RPH3A: variants seen among roughly 807,000 people sequenced by gnomAD.
The protein encoded by RPH3A is rabphilin-3A.
RPH3A carries 48 observed loss-of-function variants against 102.2 expected under a neutral mutation model. That is an observed-to-expected ratio of 0.47 (90% CI 0.37 to 0.60). The LOEUF (loss-of-function observed/expected upper bound fraction) is 0.60. Ranked by LOEUF, RPH3A falls within the 20% of genes least tolerant of loss-of-function variation. RPH3A has a pLI of 0.00. For missense variants in RPH3A, 781 were observed against 910.1 expected (o/e 0.86, Z 1.83); for synonymous variants, 310 against 324.3 (o/e 0.96, Z 0.47).
chr12:112,577,066 C>T (rs568582682), intron 1 of RPH3A, among the ~76,000 whole-genome samples: 13 of 151,800 alleles, frequency 8.6e-5, no homozygotes, highest in Admixed American at 2.0e-4. Flanking sequence ...CCACTGTTAC[C>T]GGAAAGGGAT....
chr12:112,801,622 C>A (rs994930140), intron 2 of RPH3A, among the ~76,000 whole-genome samples: 9 of 152,160 alleles, frequency 5.9e-5, no homozygotes, highest in Admixed American at 5.2e-4. Context: ...CATTTGTAGC[C>A]TGTCTGTTAT....
chr12:112,779,513 T>C (rs893534552), intron 1 of RPH3A, among the ~76,000 whole-genome samples: 1 of 152,206 alleles, frequency 6.6e-6, no homozygotes, highest in African/African-American at 2.4e-5. Flanking sequence ...CTCATATTCA[T>C]ACAGTATCAT....
intron 1 of RPH3A, among the ~76,000 whole-genome samples, chr12:112,726,488 C>T (rs1273596696): frequency 2.0e-5 from 3 of 152,154 alleles, no homozygotes; most frequent in Non-Finnish European, 4.4e-5. Flanking sequence ...ACTGTATTCA[C>T]CCCTCTCTAA....
intron 2 of RPH3A, among the ~76,000 whole-genome samples, chr12:112,818,307 T>TAAAA (rs745954372): frequency 3.0e-3 from 133 of 43,692 alleles, no homozygotes; most frequent in African/African-American, 4.3e-3. Flanking sequence ...TCAAGAAGAA[T>TAAAA]AAAAAAAAAA....
chr12:112,748,359 C>T (rs890885639), intron 1 of RPH3A, among the ~76,000 whole-genome samples: 1 of 152,024 alleles, frequency 6.6e-6, no homozygotes, highest in Non-Finnish European at 1.5e-5. Context: ...TTTGAGACAG[C>T]ACCTTACTCT....
intron 1 of RPH3A, among the ~76,000 whole-genome samples, chr12:112,759,457 T>C (rs1350504825): frequency 6.6e-6 from 1 of 152,148 alleles, no homozygotes; most frequent in African/African-American, 2.4e-5. Flanking sequence ...AACAATCAGG[T>C]TGTCTTCTGC....
intron 1 of RPH3A, among the ~76,000 whole-genome samples, chr12:112,750,449 C>A (rs944526096): frequency 6.6e-6 from 1 of 152,176 alleles, no homozygotes; most frequent in African/African-American, 2.4e-5. Flanking sequence ...GTAGAACATG[C>A]ACCTCAGTTG....
chr12:112,877,486 G>A (rs2042829142), intron 13 of RPH3A, among the ~76,000 whole-genome samples: 1 of 147,088 alleles, frequency 6.8e-6, no homozygotes, highest in African/African-American at 2.6e-5. Context: ...CGCTAACCCT[G>A]GTGTGCCTGG....
At chr12:112,780,207 A>T (rs2040998267) in intron 1 of RPH3A, among the ~76,000 whole-genome samples, 1 of 152,106 alleles carries the variant, frequency 6.6e-6, no homozygotes, top group Non-Finnish European at 1.5e-5. Context: ...TCTTTAAAAA[A>T]TTTTATTGAT....
Position 112,576,943 on chromosome 12 carries a change from T to TCTCCAGTCTC in RPH3A, c.-140+1625_-140+1626insTCCAGTCTCC, listed in dbSNP as rs1170642344. 4.1e-5 allele frequency among the ~76,000 whole-genome samples: 6 copies of TCTCCAGTCTC among 145,344 alleles called. No individual in the cohort carries two copies. In the East Asian group the frequency reaches 1.4e-3, roughly 35 times the overall value. On this transcript the variant is annotated intron_variant, in intron 1 of 21. Coordinates refer to the RPH3A transcript ENST00000543106. ...TTTTTTGAGATAGAGTCTCTCTCTG[T>TCTCCAGTCTC]CACCCAGGCTGGAGTGCAGTGGCAT...
At chr12:112,787,625 C>A (rs147697485), upstream of RPH3A, among the ~76,000 whole-genome samples, 405 of 152,304 alleles carry the variant, frequency 2.7e-3, 1 homozygote, top group African/African-American at 8.8e-3. Flanking sequence ...GCATAATGAT[C>A]ATAAATTCAC....
At chr12:112,883,462 T>A in intron 16 of RPH3A, 60 bp downstream of exon 16, 2 of 1,272,162 alleles carry the variant, frequency 1.6e-6, no homozygotes, top group Non-Finnish European at 2.3e-6. Context: ...TGGGTGGAAC[T>A]GAGACTTGGG....
At position 112,684,950 on chromosome 12, in the gene RPH3A, C is replaced by T. The variant is rs1243636598; in HGVS notation, c.-139-107193C>T. Among the ~76,000 whole-genome samples the T allele has an allele frequency of 2.0e-5, 3 of 152,154 alleles. No individual in the cohort carries two copies. In the East Asian group the frequency reaches 5.8e-4, roughly 29 times the overall value. The stretch of plus-strand genomic sequence containing the variant: ...CCACCTGGTGGAAGGGACAAACAGG[C>T]TCCCTCAAACCCTTTTCTTTCTTTT... On this transcript the variant is annotated intron_variant, in intron 1 of 21. Transcript: ENST00000543106.
At chr12:112,890,793 C>A in intron 18 of RPH3A, 56 bp from the exon 19 acceptor site, 1 of 1,579,008 alleles carries the variant, frequency 6.3e-7, no homozygotes, top group South Asian at 1.2e-5. Flanking sequence ...GCTCGCCATT[C>A]ACATTTCCTG....
In RPH3A at chr12:112,713,029, T is replaced by TCTTCC. The variant is rs1565857315; in HGVS notation, c.-139-79114_-139-79113insCTTCC. 4.4e-3 allele frequency among the ~76,000 whole-genome samples: 306 copies of TCTTCC among 69,092 alleles called. 9 individuals are homozygous for TCTTCC. The highest frequency in any genetic ancestry group is 0.011 in the Middle Eastern group (2 of 178). 45.3% of individuals were successfully genotyped at this position (69,092 alleles called of 152,430 possible). On this transcript the variant is annotated intron_variant, in intron 1 of 21. Coordinates refer to the RPH3A transcript ENST00000543106. ...CCTCTTCCTCTTCCTCTTCCTCTTCTTCTTCTTCTTCTTCTTCTTCTCCTT... is the reference window on the plus strand; with the variant it reads ...CCTCTTCCTCTTCCTCTTCCTCTTCTCTTCCTCTTCTTCTTCTTCTTCTTCTCCTT...
intron 3 of RPH3A, among the ~76,000 whole-genome samples, chr12:112,829,373 C>T (rs2041931887): frequency 7.0e-6 from 1 of 142,808 alleles, no homozygotes; most frequent in African/African-American, 2.6e-5. Context: ...TGGGCTCAAG[C>T]AATCCTCTTG....
intron 3 of RPH3A, among the ~76,000 whole-genome samples, chr12:112,835,208 G>A (rs186032887): frequency 1.0e-3 from 159 of 152,154 alleles, no homozygotes; most frequent in African/African-American, 3.6e-3. Context: ...AACTCTGTTC[G>A]TTTCCTTTTT....
At chr12:112,783,291 A>G (rs951331785) in intron 1 of RPH3A, among the ~76,000 whole-genome samples, 5 of 152,102 alleles carry the variant, frequency 3.3e-5, no homozygotes, top group Non-Finnish European at 7.4e-5. Flanking sequence ...GGGCATTGAG[A>G]GACTGGTTAC....
chr12:112,588,947 T>C (rs1337091203), intron 1 of RPH3A, among the ~76,000 whole-genome samples: 2 of 151,966 alleles, frequency 1.3e-5, no homozygotes, highest in Admixed American at 6.5e-5. Context: ...TACAGACACC[T>C]AAAGTGAAAT....
Sources: gnomAD v4.1 joint callset for allele counts (sites outside exome capture counted in the v4.1 genomes callset) on GRCh38, gnomAD v4.1.1 for gene constraint, MANE v1.5 for transcripts, NCBI Gene and HGNC (gene_info 2026-07-23, HGNC 2026-07-21) for gene names.